EPHB1: variants seen among roughly 807,000 people sequenced by gnomAD.
EPHB1 encodes ephrin type-B receptor 1.
In EPHB1, 30 loss-of-function variants were observed where a neutral mutation model predicts 94.4. The ratio of observed to expected loss-of-function variants is 0.32; its 90% confidence interval spans 0.24 to 0.43. The LOEUF is 0.43. Among genes scored for constraint, EPHB1 ranks in the 20% least tolerant of loss-of-function variants. EPHB1 has a pLI of 1.00. For synonymous variants in EPHB1, 522 were observed against 489.1 expected, an observed-to-expected ratio of 1.07 and a Z score of -0.89; for missense variants, 1,055 against 1,308.3, an observed-to-expected ratio of 0.81 and a Z score of 2.99.
At chr3:135,048,248 C>CTTTT (rs1937062532) in intron 3 of EPHB1, among the ~76,000 whole-genome samples, 2 of 88,502 alleles carry the variant, frequency 2.3e-5, no homozygotes, top group Admixed American at 2.4e-4. Context: ...CTTTTTCTTT[C>CTTTT]TTTCTTTTTT....
chr3:135,152,825 G>A (rs560209562), intron 5 of EPHB1, among the ~76,000 whole-genome samples: 1 of 152,262 alleles, frequency 6.6e-6, no homozygotes, highest in South Asian at 2.1e-4. Context: ...CAGAGTGCAG[G>A]AACTGGAGCT....
At chr3:135,249,186 A>T in intron 14 of EPHB1, 150 bp from the exon 15 acceptor site, 1 of 891,528 alleles carries the variant, frequency 1.1e-6, no homozygotes, top group Non-Finnish European at 1.6e-6. Flanking sequence ...TTAGGATTCC[A>T]TGAAGAAGAA....
intron 15 of EPHB1, among the ~76,000 whole-genome samples, chr3:135,254,859 G>C (rs1933302715): frequency 2.0e-5 from 3 of 152,116 alleles, no homozygotes; most frequent in Non-Finnish European, 4.4e-5. Context: ...ACTCTTTTTG[G>C]TTGGTAAGCT....
intron 3 of EPHB1, among the ~76,000 whole-genome samples, chr3:135,037,426 G>A (rs1381465211): frequency 6.6e-6 from 1 of 152,154 alleles, no homozygotes; most frequent in Non-Finnish European, 1.5e-5. Flanking sequence ...ATGTACTGGA[G>A]AAAATGACTG....
At chr3:134,872,505 A>G (rs1331895014) in intron 1 of EPHB1, among the ~76,000 whole-genome samples, 1 of 152,234 alleles carries the variant, frequency 6.6e-6, no homozygotes, top group Non-Finnish European at 1.5e-5. Flanking sequence ...ACATGTAGTG[A>G]TTAGACATTT....
chr3:134,852,211 G>T (rs2037001405), intron 1 of EPHB1, among the ~76,000 whole-genome samples: 1 of 151,288 alleles, frequency 6.6e-6, no homozygotes, highest in Non-Finnish European at 1.5e-5. Context: ...CCCTCCTTTT[G>T]GTTGCCCCAC....
At chr3:135,150,255 G>A (rs979842950) in intron 5 of EPHB1, among the ~76,000 whole-genome samples, 2 of 152,210 alleles carry the variant, frequency 1.3e-5, no homozygotes, top group Non-Finnish European at 2.9e-5. Context: ...TTCACAACAT[G>A]TAAATTGTGC....
At chr3:135,101,741 G>A (rs1026242030) in intron 3 of EPHB1, among the ~76,000 whole-genome samples, 13 of 152,128 alleles carry the variant, frequency 8.5e-5, no homozygotes, top group African/African-American at 3.1e-4. Flanking sequence ...TATAGCATAA[G>A]TGTGGTTACA....
At chr3:134,898,607 G>A (rs1337333998) in intron 1 of EPHB1, among the ~76,000 whole-genome samples, 2 of 152,180 alleles carry the variant, frequency 1.3e-5, no homozygotes, top group African/African-American at 4.8e-5. Context: ...TCTGTAGTCT[G>A]GAAGCAATTT....
At chr3:134,978,450 C>T (rs1934276602) in intron 3 of EPHB1, among the ~76,000 whole-genome samples, 1 of 152,214 alleles carries the variant, frequency 6.6e-6, no homozygotes, top group Admixed American at 6.5e-5. Flanking sequence ...CACCCCTCCT[C>T]TCTAGCTCCA....
chr3:135,074,256 G>T (rs1937829794), intron 3 of EPHB1, among the ~76,000 whole-genome samples: 2 of 152,178 alleles, frequency 1.3e-5, no homozygotes, highest in Non-Finnish European at 2.9e-5. Flanking sequence ...TTGATCAGTG[G>T]AGTGTTTAAA....
At chr3:134,847,221 T>C (rs2036892826) in intron 1 of EPHB1, among the ~76,000 whole-genome samples, 1 of 150,016 alleles carries the variant, frequency 6.7e-6, no homozygotes, top group African/African-American at 2.4e-5. Context: ...GCCCAGGACT[T>C]GGACAGCAGC....
chr3:135,155,715 A>T (rs1370946088), intron 6 of EPHB1, among the ~76,000 whole-genome samples: 2 of 135,910 alleles, frequency 1.5e-5, no homozygotes, highest in Non-Finnish European at 3.1e-5. Flanking sequence ...ACTTGAACCC[A>T]GGAGGTGGAG....
At chr3:134,843,379 G>T (rs752278882) in intron 1 of EPHB1, among the ~76,000 whole-genome samples, 17 of 152,258 alleles carry the variant, frequency 1.1e-4, no homozygotes, top group Non-Finnish European at 1.9e-4. Flanking sequence ...TATTACCCTA[G>T]TTGGAGTTCA....
At chr3:135,143,471 G>T (rs578089457) in intron 5 of EPHB1, among the ~76,000 whole-genome samples, 1 of 152,284 alleles carries the variant, frequency 6.6e-6, no homozygotes, top group African/African-American at 2.4e-5. Context: ...TGCATTAGGG[G>T]TTTGGCTGAA....
chr3:135,184,493 G>C (rs971299731), intron 10 of EPHB1, among the ~76,000 whole-genome samples: 1 of 152,156 alleles, frequency 6.6e-6, no homozygotes, highest in Non-Finnish European at 1.5e-5. Context: ...AAAGTTCTAT[G>C]GGAGCAAGGG....
intron 2 of EPHB1, among the ~76,000 whole-genome samples, chr3:134,949,082 TCAAGTGCTC>T (rs1346744655): frequency 2.0e-5 from 3 of 151,906 alleles, no homozygotes; most frequent in Non-Finnish European, 4.4e-5. Flanking sequence ...TGGTTGGAGG[TCAAGTGCTC>T]CAACTTGAAA....
chr3:134,997,825 G>C (rs2107741034), intron 3 of EPHB1, among the ~76,000 whole-genome samples: 1 of 152,194 alleles, frequency 6.6e-6, no homozygotes, highest in Non-Finnish European at 1.5e-5. Flanking sequence ...CTCATTTTTA[G>C]AGGTATGCTC....
At chr3:135,241,758 C>T (rs956984848) in intron 13 of EPHB1, among the ~76,000 whole-genome samples, 5 of 152,216 alleles carry the variant, frequency 3.3e-5, no homozygotes, top group Non-Finnish European at 7.3e-5. Flanking sequence ...GTCGCAGTTT[C>T]TGTGTGGGAC....
Sources: allele counts gnomAD v4.1 joint callset (sites outside exome capture counted in the v4.1 genomes callset), GRCh38; gene constraint gnomAD v4.1.1; transcripts MANE v1.5; gene names NCBI Gene and HGNC (gene_info 2026-07-23, HGNC 2026-07-21).